SOX5: variants seen among roughly 807,000 people sequenced by gnomAD.
SOX5 encodes the protein SRY-box transcription factor 5, also known as transcription factor SOX-5.
A neutral mutation model predicts 92.0 loss-of-function variants in SOX5; 9 were observed. The ratio of observed to expected loss-of-function variants is 0.10; its 90% confidence interval spans 0.06 to 0.17. SOX5 has a LOEUF of 0.17. Among genes scored for constraint, SOX5 ranks in the 10% least tolerant of loss-of-function variants. SOX5 has a pLI of 1.00. For synonymous variants in SOX5, 344 were observed against 336.3 expected (o/e 1.02, Z -0.25); for missense variants, 642 against 944.5 (o/e 0.68, Z 4.20).
chr12:23,627,549 A>T (rs1184706949), intron 8 of SOX5, among the ~76,000 whole-genome samples: 1 of 152,110 alleles, frequency 6.6e-6, no homozygotes, highest in East Asian at 1.9e-4. Context: ...ATAACAGCTA[A>T]TGAGGCTGAA....
rs1485210973 is a variant in SOX5 at position 24,400,298 on chromosome 12, T to C, written c.-250-31659A>G. Among the ~76,000 whole-genome samples, 3 of 152,374 alleles carry C rather than the reference T, an allele frequency of 2.0e-5. No individual in the cohort carries two copies. The East Asian group carries it at 5.8e-4, about 29-fold the overall frequency. On this transcript the variant is annotated intron_variant, in intron 1 of 4. Coordinates refer to the SOX5 transcript ENST00000446891. Reference sequence around the variant, plus strand: ...TTTTTTCATAACCTTCCATTTTGTTTCTTTTCTTCCTTCTTTTCATTCTTG... The same window carrying C: ...TTTTTTCATAACCTTCCATTTTGTTCCTTTTCTTCCTTCTTTTCATTCTTG...
chr12:24,161,712 A>C (rs926394698), intron 4 of SOX5, among the ~76,000 whole-genome samples: 3 of 152,086 alleles, frequency 2.0e-5, no homozygotes, highest in African/African-American at 7.2e-5. Flanking sequence ...TCATAATTTA[A>C]ATTGTCATCC....
intron 4 of SOX5, among the ~76,000 whole-genome samples, chr12:24,188,504 T>C (rs1157749636): frequency 6.6e-6 from 1 of 152,134 alleles, no homozygotes; most frequent in Non-Finnish European, 1.5e-5. Flanking sequence ...TAAAATGAAG[T>C]ACATCTGAAC....
intron 1 of SOX5, among the ~76,000 whole-genome samples, chr12:24,413,160 G>T (rs141270276): frequency 6.6e-6 from 1 of 152,068 alleles, no homozygotes; most frequent in African/African-American, 2.4e-5. Context: ...TCAAATCTTC[G>T]AATAACATTG....
rs535067954 is a variant in SOX5 at position 23,862,619 on chromosome 12, T to A, written c.271-16426A>T. 2.6e-5 allele frequency among the ~76,000 whole-genome samples: 4 copies of A among 152,332 alleles called. No individual in the cohort carries two copies. The South Asian group carries it at 8.3e-4, about 32-fold the overall frequency. ...CATTGAAAGTAGTAGGTGCCATATA[T>A]GACTTTATCAGAAGGGATTCTAGCC... is the stretch of plus-strand genomic sequence containing the variant. On this transcript the variant is annotated intron_variant, in intron 2 of 14. Coordinates refer to ENST00000451604, the MANE Select transcript of SOX5 (RefSeq NM_006940.6).
intron 6 of SOX5, among the ~76,000 whole-genome samples, chr12:23,674,970 T>C (rs934825229): frequency 6.6e-6 from 1 of 152,154 alleles, no homozygotes; most frequent in Non-Finnish European, 1.5e-5. Flanking sequence ...CACCCTATCC[T>C]GAAGATCTTA....
chr12:23,963,031 G>A (rs4554988), intron 4 of SOX5, among the ~76,000 whole-genome samples: 71,854 of 151,962 alleles, frequency 0.47, 17,742 homozygotes, highest in African/African-American at 0.57. Context: ...TGATATTCTA[G>A]AGGCATGGCA....
At chr12:23,760,630 C>T (rs1389792452) in intron 3 of SOX5, among the ~76,000 whole-genome samples, 2 of 151,924 alleles carry the variant, frequency 1.3e-5, no homozygotes, top group African/African-American at 4.8e-5. Context: ...CCAACTGTGC[C>T]AGCCATTGTT....
At chr12:23,771,203 AAG>A (rs1491056877) in intron 3 of SOX5, among the ~76,000 whole-genome samples, 9 of 147,124 alleles carry the variant, frequency 6.1e-5, no homozygotes, top group Non-Finnish European at 9.1e-5. Context: ...AAAAAAAAAA[AAG>A]AAAGAAAGAA....
chr12:23,710,889 C>T (rs1298685773), intron 6 of SOX5, among the ~76,000 whole-genome samples: 1 of 152,168 alleles, frequency 6.6e-6, no homozygotes, highest in Non-Finnish European at 1.5e-5. Flanking sequence ...TCTCAACATC[C>T]TCTCCAGCAC....
chr12:23,733,691 A>G (rs563624045), intron 6 of SOX5, among the ~76,000 whole-genome samples: 31 of 152,346 alleles, frequency 2.0e-4, no homozygotes, highest in African/African-American at 7.2e-4. Context: ...AACATGATTA[A>G]TACAAGAGTG....
At chr12:24,155,537 T>C (rs896434471) in intron 4 of SOX5, among the ~76,000 whole-genome samples, 1 of 152,100 alleles carries the variant, frequency 6.6e-6, no homozygotes, top group African/African-American at 2.4e-5. Flanking sequence ...GAAAGCAAAA[T>C]TAGCAATCTA....
chr12:23,667,049 TG>T (rs941942922), intron 6 of SOX5, among the ~76,000 whole-genome samples: 3 of 150,582 alleles, frequency 2.0e-5, no homozygotes, highest in African/African-American at 7.4e-5. Flanking sequence ...TTGGTGAGTG[TG>T]GGGGGCAGCG....
At chr12:23,913,305 A>G (rs1166509479) in intron 1 of SOX5, among the ~76,000 whole-genome samples, 7 of 150,332 alleles carry the variant, frequency 4.7e-5, no homozygotes, top group Non-Finnish European at 1.0e-4. Context: ...CTTTTATTGA[A>G]CATTGTTGTT....
chr12:24,288,301 G>C (rs535391774), intron 2 of SOX5, among the ~76,000 whole-genome samples: 8 of 152,192 alleles, frequency 5.3e-5, no homozygotes, highest in Admixed American at 2.0e-4. Flanking sequence ...TGCTAAGGTT[G>C]AGAAACCCTG....
chr12:24,094,134 A>AG (rs1945026884), intron 4 of SOX5, among the ~76,000 whole-genome samples: 2 of 152,174 alleles, frequency 1.3e-5, no homozygotes, highest in Admixed American at 6.5e-5. Context: ...TTTAGTAGAG[A>AG]GGGGGTTTCA....
At chr12:23,893,758 A>G (rs1197439975) in intron 2 of SOX5, among the ~76,000 whole-genome samples, 1 of 152,186 alleles carries the variant, frequency 6.6e-6, no homozygotes, top group Non-Finnish European at 1.5e-5. Context: ...GCCAAATGGA[A>G]TGTCTGACTT....
intron 7 of SOX5, among the ~76,000 whole-genome samples, chr12:23,658,659 AGATGGGTG>A (rs2082627490): frequency 6.6e-6 from 1 of 152,200 alleles, no homozygotes; most frequent in Non-Finnish European, 1.5e-5. Context: ...TGGGAGGCCA[AGATGGGTG>A]GATCACTTGA....
intron 3 of SOX5, among the ~76,000 whole-genome samples, chr12:24,255,368 A>T (rs1254040983): frequency 6.6e-6 from 1 of 152,140 alleles, no homozygotes; most frequent in South Asian, 2.1e-4. Context: ...GGTCCAACAT[A>T]ATTGAGAATG....
Sources: gnomAD v4.1 joint callset for allele counts (sites outside exome capture counted in the v4.1 genomes callset) on GRCh38, gnomAD v4.1.1 for gene constraint, MANE v1.5 for transcripts, NCBI Gene and HGNC (gene_info 2026-07-23, HGNC 2026-07-21) for gene names.